Variants in APCDD1L observed in about 807,000 individuals in gnomAD.
The protein encoded by APCDD1L is APC down-regulated 1 like.
In APCDD1L, 21 loss-of-function variants were observed where a neutral mutation model predicts 24.2. The observed-to-expected ratio is 0.87, with a 90% CI of 0.61 to 1.25. The LOEUF is 1.25. Ranked by LOEUF, APCDD1L falls within the 50% of genes most tolerant of loss-of-function variation. The probability of loss-of-function intolerance (pLI) is 0.00; values close to 1 mark genes in which losing one functional copy is unlikely to be tolerated. For synonymous variants in APCDD1L, 321 were observed against 323.6 expected (o/e 0.99, Z 0.09); for missense variants, 704 against 711.7 (o/e 0.99, Z 0.12).
In APCDD1L at chr20:58,497,479, C is replaced by T. The variant is rs549960976; in HGVS notation, c.49+17180G>A. On this transcript the variant is annotated intron_variant, in intron 1 of 3. Coordinates refer to ENST00000371149, the MANE Select transcript of APCDD1L (RefSeq NM_153360.3). This position sits in a 1 kb window ranked among gnomAD's most constrained non-coding sequence, Gnocchi z 4.3. ...GGCTCATGAGTCTGGGCTCAAGGTG[C>T]GAGCTGGGTTGGTTCCTTCTGAGGC... 1.3e-5 allele frequency among the ~76,000 whole-genome samples: 2 copies of T among 152,230 alleles called. No individual in the cohort carries two copies. The highest frequency in any genetic ancestry group is 6.5e-5 in the Admixed American group (1 of 15,290).
intron 2 of APCDD1L, among the ~76,000 whole-genome samples, chr20:58,470,373 G>T (rs557155717): frequency 6.6e-6 from 1 of 152,238 alleles, no homozygotes; most frequent in Non-Finnish European, 1.5e-5. Flanking sequence ...TAATAGGTTT[G>T]TATAATAGGT....
rs907663718 is a variant in APCDD1L, at chr20:58,463,901, G to C, written c.742-2347C>G. On this transcript the variant is annotated intron_variant, in intron 3 of 3. Coordinates refer to ENST00000371149, the MANE Select transcript of APCDD1L (RefSeq NM_153360.3). ...TTGAGAACAGTTTTTTTTTGGGGGGGGGGGGCGTCACATTTTATAAGCTGT... is the reference window on the plus strand; with the variant it reads ...TTGAGAACAGTTTTTTTTTGGGGGGCGGGGGCGTCACATTTTATAAGCTGT... Among the ~76,000 whole-genome samples, 17 of 135,438 alleles carry C rather than the reference G, an allele frequency of 1.3e-4. 3 individuals are homozygous for C. Among genetic ancestry groups the C allele is most frequent in the Non-Finnish European group, 2.7e-4 (17 of 61,944 alleles). 88.9% of individuals were successfully genotyped at this position (135,438 alleles called of 152,430 possible). A position where few individuals can be genotyped will look rare whatever the true frequency, so the allele number is the denominator to read the frequency against.
intron 1 of APCDD1L, among the ~76,000 whole-genome samples, chr20:58,481,545 G>T (rs1348783070): frequency 6.6e-6 from 1 of 152,200 alleles, no homozygotes; most frequent in African/African-American, 2.4e-5. Context: ...AGGGATGGAG[G>T]ATGGTGGTTT....
rs933172812 is a variant in APCDD1L at position 58,467,406 on chromosome 20, C to G, written c.441G>C (p.Gly147=). Reference sequence around the variant, plus strand: ...GGCCGGCGCGGGTCTGGTTGAGGCGCCCGGTGACGTCGACCAGGGCCCGGC... The same window carrying G: ...GGCCGGCGCGGGTCTGGTTGAGGCGGCCGGTGACGTCGACCAGGGCCCGGC... The part of the protein sequence containing the change: ...HSRRALVDVT[G]RLNQTRAGRD... The change falls in exon 3 of 4, where the codon GGG becomes GGC. Residue 147 remains glycine, a synonymous_variant. Transcript: ENST00000371149. The surrounding 1 kb of genome is among the most constrained non-coding windows in gnomAD (Gnocchi z 5.9). 6 of 1,539,614 alleles carry G rather than the reference C, an allele frequency of 3.9e-6. No homozygotes were observed. The highest frequency in any genetic ancestry group is 1.9e-4 in the Middle Eastern group (1 of 5,142).
At chr20:58,504,600 T>A (rs1234424718) in intron 1 of APCDD1L, among the ~76,000 whole-genome samples, 1 of 152,220 alleles carries the variant, frequency 6.6e-6, no homozygotes, top group Admixed American at 6.5e-5. Flanking sequence ...ACGTTAGGTA[T>A]TGCTGACATT....
At position 58,470,665 on chromosome 20, in the gene APCDD1L, T is replaced by G. The variant is rs1321094485; in HGVS notation, c.132A>C (p.Arg44Ser). 11 of 1,570,314 alleles carry G rather than the reference T, an allele frequency of 7.0e-6. No homozygotes were observed. Among genetic ancestry groups the G allele is most frequent in the Non-Finnish European group, 7.8e-6 (9 of 1,157,444 alleles). Residue 44 changes from arginine (R) to serine (S), a missense_variant, in exon 2 of 4, where the codon AGA becomes AGC. Coordinates refer to ENST00000371149, the MANE Select transcript of APCDD1L (RefSeq NM_153360.3). Reference sequence around the variant, plus strand: ...GAGGCAGGATCGCAGTGCTGGGCACTCTATCTGGCAAGGGCTGCTGGCAGT... The same window carrying G: ...GAGGCAGGATCGCAGTGCTGGGCACGCTATCTGGCAAGGGCTGCTGGCAGT... ...EPHCQQPLPDRVPSTAILPPR... is the reference protein window; with the variant it reads ...EPHCQQPLPDSVPSTAILPPR...
At position 58,497,432 on chromosome 20, in the gene APCDD1L, C is replaced by G. The variant is rs1428796807; in HGVS notation, c.49+17227G>C. ...AAACGAGAGGAATTTACATTCTCAT[C>G]CTGCTGGAGGCCATGAGTCTGGGCT... On this transcript the variant is annotated intron_variant, in intron 1 of 3. Transcript: ENST00000371149. The surrounding 1 kb of genome is among the most constrained non-coding windows in gnomAD (Gnocchi z 4.3). 1.3e-5 allele frequency among the ~76,000 whole-genome samples: 2 copies of G among 152,110 alleles called. No homozygotes were observed. Among genetic ancestry groups the G allele is most frequent in the Non-Finnish European group, 2.9e-5 (2 of 68,026 alleles).
chr20:58,482,776 C>T (rs1196633263), intron 1 of APCDD1L, among the ~76,000 whole-genome samples: 1 of 152,162 alleles, frequency 6.6e-6, no homozygotes, highest in Non-Finnish European at 1.5e-5. Context: ...GAAGGGAAAG[C>T]CTGACAGTAT....
At chr20:58,464,612 G>T (rs951406711) in intron 3 of APCDD1L, among the ~76,000 whole-genome samples, 12 of 152,204 alleles carry the variant, frequency 7.9e-5, no homozygotes, top group African/African-American at 2.9e-4. Flanking sequence ...ACCCCCAGAG[G>T]TGACACCAGG....
At chr20:58,480,806 A>G (rs1990010976) in intron 1 of APCDD1L, among the ~76,000 whole-genome samples, 1 of 152,170 alleles carries the variant, frequency 6.6e-6, no homozygotes, top group South Asian at 2.1e-4. Context: ...GCCTCATGAT[A>G]ATGCTAATTA....
intron 1 of APCDD1L, among the ~76,000 whole-genome samples, chr20:58,477,496 T>C (rs1041126297): frequency 2.0e-5 from 3 of 152,222 alleles, no homozygotes; most frequent in Non-Finnish European, 4.4e-5. Flanking sequence ...CAGTGCATCA[T>C]CTCAGGAGGC....
chr20:58,468,852 T>C (rs1448308499), intron 2 of APCDD1L, among the ~76,000 whole-genome samples: 7 of 152,102 alleles, frequency 4.6e-5, no homozygotes, highest in Non-Finnish European at 7.4e-5. Flanking sequence ...ACAGGCGTGA[T>C]CCCAGCCCAT....
At position 58,514,683 on chromosome 20, in the gene APCDD1L, C is replaced by A; in HGVS notation, c.25G>T (p.Ala9Ser). 1.5e-6 allele frequency: 2 copies of A among 1,312,788 alleles called. No individual in the cohort carries two copies. Among genetic ancestry groups the A allele is most frequent in the Non-Finnish European group, 9.8e-7 (1 of 1,022,886 alleles). The allele number at this position is 1,312,788 out of a possible 1,614,324, so 81.3% of individuals were successfully genotyped here. The change falls in exon 1 of 4, where the codon GCT becomes TCT. Residue 9 changes from alanine (A) to serine (S), a missense_variant. By Grantham distance (99) the Ala-to-Ser change is moderately conservative (BLOSUM62 1). Transcript: ENST00000371149. MPAAMLPY[A>S]CVLVLLGAHT... is the part of the protein sequence containing the mutation. ...CCTCCCAAAAGCACCAGGACGCAAG[C>A]GTAGGGGAGCATGGCTGCGGGCATC...
At chr20:58,513,292 C>T (rs928016147) in intron 1 of APCDD1L, among the ~76,000 whole-genome samples, 12 of 152,152 alleles carry the variant, frequency 7.9e-5, no homozygotes, top group East Asian at 5.8e-4. Context: ...CCTGCCCTTT[C>T]GAAAGAACCA....
At chr20:58,498,863 C>A (rs1385959248) in intron 1 of APCDD1L, among the ~76,000 whole-genome samples, 1 of 152,236 alleles carries the variant, frequency 6.6e-6, no homozygotes, top group Admixed American at 6.5e-5. Flanking sequence ...CTGCTTTTGG[C>A]CCCCTGAGGC....
At chr20:58,514,347 C>T (rs6015295) in intron 1 of APCDD1L, among the ~76,000 whole-genome samples, 35,873 of 152,054 alleles carry the variant, frequency 0.24, 4,606 homozygotes, top group East Asian at 0.45. Flanking sequence ...TTCTTGGAGG[C>T]CCCGGTCCCA....
In APCDD1L at chr20:58,508,535, G is replaced by C. The variant is rs185051520; in HGVS notation, c.49+6124C>G. Among the ~76,000 whole-genome samples the C allele has an allele frequency of 6.6e-6, 1 of 152,208 alleles. No individual in the cohort carries two copies. Among genetic ancestry groups the C allele is most frequent in the Non-Finnish European group, 1.5e-5 (1 of 68,038 alleles). ...TCGATTAGATGTTGGCATTGGTGGTGGGGGGAAGAGATGAGGACAATGGAG... is the reference window on the plus strand; with the variant it reads ...TCGATTAGATGTTGGCATTGGTGGTCGGGGGAAGAGATGAGGACAATGGAG... On this transcript the variant is annotated intron_variant, in intron 1 of 3. Coordinates refer to ENST00000371149, the MANE Select transcript of APCDD1L (RefSeq NM_153360.3). The surrounding 1 kb of genome is among the most constrained non-coding windows in gnomAD (Gnocchi z 4.0).
chr20:58,489,466 G>A (rs149342906), intron 1 of APCDD1L, among the ~76,000 whole-genome samples: 12 of 152,054 alleles, frequency 7.9e-5, no homozygotes, highest in Non-Finnish European at 1.6e-4. Flanking sequence ...GGCGGATCAC[G>A]AGGTTAGGAG....
intron 3 of APCDD1L, among the ~76,000 whole-genome samples, chr20:58,465,290 G>C (rs1034310113): frequency 6.6e-6 from 1 of 152,152 alleles, no homozygotes; most frequent in African/African-American, 2.4e-5. Context: ...TGAGAACTTC[G>C]TGTCGTGCTC....
Sources: allele counts gnomAD v4.1 joint callset (sites outside exome capture counted in the v4.1 genomes callset), GRCh38; gene constraint gnomAD v4.1.1; non-coding constraint Gnocchi (gnomAD v3.1); transcripts MANE v1.5; gene names NCBI Gene and HGNC (gene_info 2026-07-23, HGNC 2026-07-21).